Variants in PLPP1 observed in about 807,000 individuals in gnomAD.
PLPP1 encodes the protein lipid phosphate phosphohydrolase 1a.
Under a neutral mutation model 31.2 loss-of-function variants are expected in PLPP1, and 24 were observed. The observed-to-expected ratio is 0.77, with a 90% CI of 0.56 to 1.08. The LOEUF is 1.08. Among genes scored for constraint, PLPP1 ranks in the 50% least tolerant of loss-of-function variants. PLPP1 has a pLI of 0.00. For synonymous variants in PLPP1, 146 were observed against 126.3 expected (o/e 1.16, Z -1.05); for missense variants, 319 against 342.7 (o/e 0.93, Z 0.55).
chr5:55,452,923 T>G (rs939865845), intron 3 of PLPP1, among the ~76,000 whole-genome samples: 2 of 152,158 alleles, frequency 1.3e-5, no homozygotes, highest in African/African-American at 4.8e-5. Flanking sequence ...AAAAGAAAAA[T>G]TACTGGCAAA....
chr5:55,517,715 TCTTTACGGGACAGCAAA>T (rs1753581904), intron 1 of PLPP1, among the ~76,000 whole-genome samples: 1 of 152,190 alleles, frequency 6.6e-6, no homozygotes, highest in African/African-American at 2.4e-5. Flanking sequence ...TACCACAATC[TCTTTACGGGACAGCAAA>T]CTCTGGCCTT....
intron 3 of PLPP1, among the ~76,000 whole-genome samples, chr5:55,463,967 A>G (rs1752227930): frequency 6.6e-6 from 1 of 151,918 alleles, no homozygotes; most frequent in African/African-American, 2.4e-5. Flanking sequence ...TTAATGGGTA[A>G]AAGAGTTAAC....
intron 1 of PLPP1, among the ~76,000 whole-genome samples, chr5:55,515,980 C>A (rs1753547434): frequency 6.6e-6 from 1 of 152,082 alleles, no homozygotes; most frequent in African/African-American, 2.4e-5. Context: ...AACTTACATG[C>A]CCCAAACCAA....
intron 4 of PLPP1, among the ~76,000 whole-genome samples, chr5:55,430,354 C>T (rs2111667178): frequency 6.6e-6 from 1 of 152,360 alleles, no homozygotes; most frequent in East Asian, 1.9e-4. Context: ...CAGGCATGCT[C>T]AGCCTGCTGC....
Position 55,439,439 on chromosome 5 carries a change from G to T in PLPP1, c.549+2412C>A, listed in dbSNP as rs553560761. On this transcript the variant is annotated intron_variant, in intron 4 of 5. Transcript: ENST00000307259. ...AATTCTCCCTGACCACTTAGAAGCA[G>T]TGGAGTCATTCTGAATCTGCAGTGA... Among the ~76,000 whole-genome samples the T allele has an allele frequency of 3.1e-4, 47 of 152,314 alleles. 1 individual carries two copies. The South Asian group carries it at 9.3e-3, about 30-fold the overall frequency.
chr5:55,453,002 G>A (rs1365608793), intron 3 of PLPP1, among the ~76,000 whole-genome samples: 4 of 146,992 alleles, frequency 2.7e-5, no homozygotes, highest in African/African-American at 1.0e-4. Flanking sequence ...CAGCATTATC[G>A]AACATAGAGT....
In PLPP1 at chr5:55,425,109, G is replaced by T; in HGVS notation, c.*97C>A. On this transcript the variant is annotated 3_prime_UTR_variant, in exon 6 of 6. Coordinates refer to ENST00000307259, the MANE Select transcript of PLPP1 (RefSeq NM_003711.4). Reference sequence around the variant, plus strand: ...CATAGCAGCAGCAGAAGTCTTTAAAGGCTTGTACACCAGGAAGAAAGATGC... The same window carrying T: ...CATAGCAGCAGCAGAAGTCTTTAAATGCTTGTACACCAGGAAGAAAGATGC... The T allele has an allele frequency of 6.9e-7, 1 of 1,459,238 alleles. No homozygotes were observed. Among genetic ancestry groups the T allele is most frequent in the Middle Eastern group, 1.8e-4 (1 of 5,432 alleles). 90.4% of individuals were successfully genotyped at this position (1,459,238 alleles called of 1,614,324 possible).
intron 3 of PLPP1, among the ~76,000 whole-genome samples, chr5:55,443,212 T>TATATACACAC (rs1169152710): frequency 9.5e-6 from 1 of 105,004 alleles, no homozygotes; most frequent in African/African-American, 3.9e-5. Context: ...TATATATATA[T>TATATACACAC]ACACACACAC....
At chr5:55,477,185 C>G (rs1752569113) in intron 1 of PLPP1, among the ~76,000 whole-genome samples, 1 of 152,072 alleles carries the variant, frequency 6.6e-6, no homozygotes, top group African/African-American at 2.4e-5. Context: ...AATACATATA[C>G]CATGGTTACA....
At chr5:55,483,236 A>G (rs768147609) in intron 1 of PLPP1, among the ~76,000 whole-genome samples, 2 of 152,212 alleles carry the variant, frequency 1.3e-5, no homozygotes, top group Non-Finnish European at 2.9e-5. Context: ...TACTTAATAT[A>G]TTATTACACT....
rs1445107400 is a variant in PLPP1, at chr5:55,425,226, G to A, written c.835C>T (p.Pro279Ser). 7 of 1,613,928 alleles carry A rather than the reference G, an allele frequency of 4.3e-6. No homozygotes were observed. The Admixed American group carries it at 5.0e-5, about 12-fold the overall frequency. Residue 279 changes from proline to serine, a missense_variant, in exon 6 of 6, where the codon CCG becomes TCG. By Grantham distance (74) the Pro-to-Ser change is moderately conservative. Coordinates refer to ENST00000307259, the MANE Select transcript of PLPP1 (RefSeq NM_003711.4). ...HETPTTGNHY[P>S]SNHQP The stretch of plus-strand genomic sequence containing the variant: ...GCCTTTCAAGGCTGGTGATTGCTCG[G>A]ATAGTGATTCCCAGTTGTTGGTGTT...
chr5:55,485,554 TG>T (rs1194750998), intron 1 of PLPP1, among the ~76,000 whole-genome samples: 4 of 151,616 alleles, frequency 2.6e-5, no homozygotes, highest in Non-Finnish European at 5.9e-5. Context: ...TATGTAAAAA[TG>T]GGTATATAGT....
At chr5:55,425,550 T>C (rs1401865090) in intron 5 of PLPP1, 1 of 483,816 alleles carries the variant, frequency 2.1e-6, no homozygotes, top group African/African-American at 2.0e-5. Context: ...AGCTTCATTT[T>C]GCCAATACTG....
At chr5:55,456,944 G>T (rs1272414708) in intron 3 of PLPP1, among the ~76,000 whole-genome samples, 4 of 151,992 alleles carry the variant, frequency 2.6e-5, no homozygotes, top group Non-Finnish European at 5.9e-5. Flanking sequence ...GGCAGATCAT[G>T]AGGTCAGGAG....
intron 1 of PLPP1, among the ~76,000 whole-genome samples, chr5:55,521,048 C>A (rs1753654407): frequency 6.6e-6 from 1 of 151,414 alleles, no homozygotes. Flanking sequence ...CTCATCTCTA[C>A]CGAAAAATCA....
At chr5:55,450,486 C>T (rs933700790) in intron 3 of PLPP1, among the ~76,000 whole-genome samples, 3 of 152,084 alleles carry the variant, frequency 2.0e-5, no homozygotes, top group African/African-American at 4.8e-5. Flanking sequence ...AAGCAGAACT[C>T]GGTATATCTT....
chr5:55,455,515 G>A (rs553656622), intron 3 of PLPP1, among the ~76,000 whole-genome samples: 1 of 152,304 alleles, frequency 6.6e-6, no homozygotes, highest in East Asian at 1.9e-4. Flanking sequence ...CCAGCTGCTC[G>A]GGAGGCTGAA....
chr5:55,440,064 G>A (rs548741686), intron 4 of PLPP1, among the ~76,000 whole-genome samples: 1 of 152,302 alleles, frequency 6.6e-6, no homozygotes, highest in South Asian at 2.1e-4. Context: ...AACAGTGGCA[G>A]TCATCCCTCA....
At chr5:55,432,467 G>T (rs1010689422) in intron 4 of PLPP1, among the ~76,000 whole-genome samples, 1 of 152,028 alleles carries the variant, frequency 6.6e-6, no homozygotes, top group Non-Finnish European at 1.5e-5. Flanking sequence ...TTACAAAGAA[G>T]AACACCCATT....
Sources: allele counts gnomAD v4.1 joint callset (sites outside exome capture counted in the v4.1 genomes callset), GRCh38; gene constraint gnomAD v4.1.1; transcripts MANE v1.5; gene names NCBI Gene and HGNC (gene_info 2026-07-23, HGNC 2026-07-21).